RYR1: variants seen among roughly 807,000 people sequenced by gnomAD.
RYR1 encodes central core disease of muscle.
Under a neutral mutation model 583.5 loss-of-function variants are expected in RYR1, and 342 were observed. That is an observed-to-expected ratio of 0.59 (90% confidence interval 0.54 to 0.64). The LOEUF (loss-of-function observed/expected upper bound fraction) is 0.64, where lower values mean the gene tolerates loss of function less well. RYR1 is among the 30% of genes least tolerant of loss of function. The probability of loss-of-function intolerance (pLI) is 0.00; values close to 1 mark genes in which losing one functional copy is unlikely to be tolerated. For missense variants in RYR1, 6,032 were observed against 6,917.2 expected (o/e 0.87, Z 4.54); for synonymous variants, 2,791 against 2,822.5 (o/e 0.99, Z 0.35).
chr19:38,472,951 G>C lies in RYR1; in HGVS notation c.3766-426G>C, dbSNP rs939561851. Among the ~76,000 whole-genome samples the C allele has an allele frequency of 2.4e-4, 36 of 151,532 alleles. 1 individual carries two copies. Among genetic ancestry groups the C allele is most frequent in the Non-Finnish European group, 4.4e-5 (3 of 67,946 alleles). On this transcript the variant is annotated intron_variant, in intron 27 of 105. Transcript: ENST00000359596. ...GAATCATTTGAACCCTGTAGGCAGA[G>C]GTTGCGGTGAGCCGAGATCCTGCTA...
In RYR1 at chr19:38,561,421, A is replaced by G; in HGVS notation, c.12591A>G (p.Ser4197=). The change falls in exon 90 of 106, where the codon TCA becomes TCG. Residue 4197 remains serine (S), a synonymous_variant. Transcript: ENST00000359596. The surrounding 1 kb of genome is among the most constrained non-coding windows in gnomAD (Gnocchi z 4.8). ...TCGAGCGCATCTACTTCGAGATCTC[A>G]GAGACCAACCGCGCCCAGTGGGAGA... ...RRIERIYFEI[S]ETNRAQWEMP... is the part of the protein sequence containing the mutation. The G allele has an allele frequency of 6.2e-7, 1 of 1,611,746 alleles. No homozygotes were observed. Among genetic ancestry groups the G allele is most frequent in the Non-Finnish European group, 8.5e-7 (1 of 1,179,818 alleles).
Position 38,505,817 on chromosome 19 carries a change from T to G in RYR1, c.8412T>G (p.Ile2804Met). 2 of 1,614,106 alleles carry G rather than the reference T, an allele frequency of 1.2e-6. No homozygotes were observed. The highest frequency in any genetic ancestry group is 1.7e-6 in the Non-Finnish European group (2 of 1,180,022). The change falls in exon 54 of 106, where the codon ATT becomes ATG. Residue 2804 changes from isoleucine to methionine, a missense_variant. Coordinates refer to ENST00000359596, the MANE Select transcript of RYR1 (RefSeq NM_000540.3). Reference protein sequence around the residue: ...YKTFSEKDKEIYRWPIKESLK... With the variant: ...YKTFSEKDKEMYRWPIKESLK... ...CCTGTCCACCCCAGGACAAAGAGAT[T>G]TACCGCTGGCCCATCAAGGAGTCCC... is the stretch of plus-strand genomic sequence containing the variant.
rs776697656 is a variant in RYR1 at position 38,512,484 on chromosome 19, G to A, written c.9472+1G>A. 3.7e-6 allele frequency: 6 copies of A among 1,609,564 alleles called. No individual in the cohort carries two copies. The highest frequency in any genetic ancestry group is 2.2e-5 in the East Asian group (1 of 44,884). The stretch of plus-strand genomic sequence containing the variant: ...CACCAGTTCGGAGATGACGTCATCC[G>A]TAAGGGCGCCTGACCCAAGGGCAGG... On this transcript the variant is annotated splice_donor_variant, in intron 63 of 105. Transcript: ENST00000359596. LOFTEE classifies it high-confidence loss of function. This position sits in a 1 kb window ranked among gnomAD's most constrained non-coding sequence, Gnocchi z 5.1.
chr19:38,455,295 C>T lies in RYR1; in HGVS notation c.1501C>T (p.His501Tyr). The change falls in exon 14 of 106, where the codon CAC becomes TAC. Residue 501 changes from histidine (H) to tyrosine (Y), a missense_variant. By Grantham distance (83) the His-to-Tyr change is moderately conservative. Coordinates refer to ENST00000359596, the MANE Select transcript of RYR1 (RefSeq NM_000540.3). ...DRLNVYTTAA[H>Y]FAEFAGEEAA... The stretch of plus-strand genomic sequence containing the variant: ...CCTAAATGTCTACACCACTGCTGCC[C>T]ACTTTGCTGAGTTTGCAGGGGAGGA... 3 of 1,614,088 alleles carry T rather than the reference C, an allele frequency of 1.9e-6. No homozygotes were observed. The highest frequency in any genetic ancestry group is 2.5e-6 in the Non-Finnish European group (3 of 1,179,996).
intron 90 of RYR1, among the ~76,000 whole-genome samples, chr19:38,563,219 T>C (rs1973234718): frequency 6.6e-6 from 1 of 152,248 alleles, no homozygotes; most frequent in African/African-American, 2.4e-5. Flanking sequence ...CGTATGCCCA[T>C]GTGGCCTTGG....
chr19:38,460,680 T>C (rs1345425539), intron 20 of RYR1, 89 bp downstream of exon 20: 14 of 1,275,386 alleles, frequency 1.1e-5, no homozygotes, highest in Middle Eastern at 2.6e-4. Context: ...ATGCCTGTAA[T>C]CCCAGCACTT....
chr19:38,542,359 A>G (rs1972235444), intron 84 of RYR1, among the ~76,000 whole-genome samples: 1 of 152,114 alleles, frequency 6.6e-6, no homozygotes, highest in South Asian at 2.1e-4. Context: ...AATTTGATAA[A>G]ATTGTTTGGA....
chr19:38,524,206 A>G (rs866078738), intron 70 of RYR1, among the ~76,000 whole-genome samples: 9 of 148,524 alleles, frequency 6.1e-5, no homozygotes, highest in African/African-American at 2.2e-4. Context: ...AAAAAAAAGA[A>G]AAAAAGAGCA....
At chr19:38,528,139 GA>G (rs1330116562) in intron 73 of RYR1, 166 bp from the exon 74 acceptor site, 1 of 690,744 alleles carries the variant, frequency 1.4e-6, no homozygotes, top group Admixed American at 2.1e-5. Context: ...CTTAGGTCTG[GA>G]GGCGGAGTCA....
chr19:38,505,439 AAC>A (rs1244950870), intron 53 of RYR1, 41 bp downstream of exon 53: 1 of 1,399,598 alleles, frequency 7.1e-7, no homozygotes, highest in Admixed American at 1.9e-5. Flanking sequence ...GTCAAAATGA[AAC>A]CCCCAAATTT....
Position 38,565,554 on chromosome 19 carries a change from G to C in RYR1, c.13220G>C (p.Gly4407Ala), listed in dbSNP as rs761108833. 2.0e-6 allele frequency: 3 copies of C among 1,486,472 alleles called. No individual in the cohort carries two copies. The highest frequency in any genetic ancestry group is 2.7e-6 in the Non-Finnish European group (3 of 1,125,184). The allele number at this position is 1,486,472 out of a possible 1,614,324, so 92.1% of individuals were successfully genotyped here. A position where few individuals can be genotyped will look rare whatever the true frequency, so the allele number is the denominator to read the frequency against. ...AGPGGDADGEGASEGAGDAAE... is the reference protein window; with the variant it reads ...AGPGGDADGEAASEGAGDAAE... The stretch of plus-strand genomic sequence containing the variant: ...CCGGGCGGAGACGCAGACGGCGAGG[G>C]TGCCAGCGAGGGCGCTGGAGACGCC... The change falls in exon 91 of 106, where the codon GGT becomes GCT. Residue 4407 changes from glycine (G) to alanine (A), a missense_variant. This residue lies in a region of RYR1 where 753 missense variants were observed against 759.6 expected (regional missense o/e 0.99). Transcript: ENST00000359596. This position sits in a 1 kb window ranked among gnomAD's most constrained non-coding sequence, Gnocchi z 4.7.
chr19:38,486,620 C>T (rs866397700), intron 34 of RYR1, among the ~76,000 whole-genome samples: 1 of 152,130 alleles, frequency 6.6e-6, no homozygotes. Context: ...GGATTACAGG[C>T]GTGAGCCACC....
rs1475997344 is a variant in RYR1 at position 38,466,208 on chromosome 19, C to T, written c.2988C>T (p.Ala996=). The T allele has an allele frequency of 6.2e-7, 1 of 1,613,474 alleles. No homozygotes were observed. The highest frequency in any genetic ancestry group is 8.5e-7 in the Non-Finnish European group (1 of 1,179,956). The stretch of plus-strand genomic sequence containing the variant: ...CAGAAAATGGGCACAACGTGTGGGC[C>T]CGAGACCGCGTGGGCCAGGGCTGGA... ...RLAENGHNVW[A]RDRVGQGWSY... Residue 996 remains alanine (A), a synonymous_variant, in exon 24 of 106, where the codon GCC becomes GCT. Transcript: ENST00000359596.
rs563450036 is a variant in RYR1, at chr19:38,500,435, G to A, written c.7324-171G>A. Among the ~76,000 whole-genome samples the A allele has an allele frequency of 2.5e-4, 37 of 149,078 alleles. 1 individual carries two copies. Among genetic ancestry groups the A allele is most frequent in the African/African-American group, 8.4e-4 (34 of 40,356 alleles). ...GTTGGGGGGAACAAGGAGAGAGGTC[G>A]GGACTGGGGTGGGGGGGCACAGGCA... On this transcript the variant is annotated intron_variant, in intron 45 of 105. Transcript: ENST00000359596. This position sits in a 1 kb window ranked among gnomAD's most constrained non-coding sequence, Gnocchi z 5.9.
rs2145634031 is a variant in RYR1 at position 38,505,935 on chromosome 19, C to T, written c.8530C>T (p.Gln2844Ter). The change falls in exon 54 of 106, where the codon CAA becomes TAA. Residue 2844 changes from glutamine to a stop codon, truncating the protein, a stop_gained. Transcript: ENST00000359596. LOFTEE classifies it high-confidence loss of function. Reference sequence around the variant, plus strand: ...AAAGAAAAAAACGCGGAAGATATCACAAAGTGCCCAGGTGAAGGCGGGGCC... The same window carrying T: ...AAAGAAAAAAACGCGGAAGATATCATAAAGTGCCCAGGTGAAGGCGGGGCC... ...TEKKKTRKIS[Q>*]SAQTYDPREG... 6.2e-7 allele frequency: 1 copy of T among 1,612,634 alleles called. No individual in the cohort carries two copies. Among genetic ancestry groups the T allele is most frequent in the Admixed American group, 1.7e-5 (1 of 59,932 alleles).
At position 38,500,510 on chromosome 19, in the gene RYR1, C is replaced by T; in HGVS notation, c.7324-96C>T. 6.4e-7 allele frequency: 1 copy of T among 1,566,802 alleles called. No homozygotes were observed. Among genetic ancestry groups the T allele is most frequent in the East Asian group, 2.2e-5 (1 of 44,598 alleles). On this transcript the variant is annotated intron_variant, in intron 45 of 105. Transcript: ENST00000359596. The surrounding 1 kb of genome is among the most constrained non-coding windows in gnomAD (Gnocchi z 5.9). ...GACAGCCTCCTGAGAAAGAGGCCTGCTCTACCCTCCTGTGTGGTAAGGGAG... is the reference window on the plus strand; with the variant it reads ...GACAGCCTCCTGAGAAAGAGGCCTGTTCTACCCTCCTGTGTGGTAAGGGAG...
chr19:38,504,416 T>C (rs1970345655), intron 50 of RYR1, 56 bp downstream of exon 50: 2 of 1,595,704 alleles, frequency 1.3e-6, no homozygotes, highest in East Asian at 4.5e-5. Flanking sequence ...GGGCCCAAAA[T>C]TGGGGGTCCA....
At chr19:38,463,378 GGGT>G in intron 20 of RYR1, 42 bp from the exon 21 acceptor site, 1 of 1,533,976 alleles carries the variant, frequency 6.5e-7, no homozygotes, top group African/African-American at 1.4e-5. Context: ...TGATGGAGGA[GGGT>G]AGAGGGACCT....
At chr19:38,581,758 C>G (rs1208464631) in intron 101 of RYR1, among the ~76,000 whole-genome samples, 1 of 151,948 alleles carries the variant, frequency 6.6e-6, no homozygotes, top group East Asian at 1.9e-4. Context: ...ACTACCACAC[C>G]CAGCTGATTT....
Sources: gnomAD v4.1 joint callset for allele counts (sites outside exome capture counted in the v4.1 genomes callset) on GRCh38, gnomAD v4.1.1 for gene constraint, gnomAD v4.1.1 regional missense constraint, Gnocchi (gnomAD v3.1) non-coding constraint, MANE v1.5 for transcripts, NCBI Gene and HGNC (gene_info 2026-07-23, HGNC 2026-07-21) for gene names.